The following GSN variants were observed in gnomAD, a reference collection of about 807,000 sequenced individuals.
GSN encodes actin-depolymerizing factor.
Under a neutral mutation model 85.7 loss-of-function variants are expected in GSN, and 56 were observed. The observed-to-expected ratio is 0.65, with a 90% CI of 0.53 to 0.82. The LOEUF is 0.82. Ranked by LOEUF, GSN falls within the 40% of genes least tolerant of loss-of-function variation. The pLI is 0.00. For missense variants in GSN, 857 were observed against 979.8 expected (o/e 0.87, Z 1.67); for synonymous variants, 373 against 399.1 (o/e 0.93, Z 0.78).
rs530369890 is a variant in GSN at position 121,303,456 on chromosome 9, C to T, written c.351+391C>T. Among the ~76,000 whole-genome samples the T allele has an allele frequency of 6.6e-4, 101 of 152,306 alleles. 1 individual carries two copies. The highest frequency in any genetic ancestry group is 2.0e-3 in the African/African-American group (84 of 41,566). Reference sequence around the variant, plus strand: ...TTAAGGCCTTGCCAACAGAGGGCCCCGTGTTAAGTATTTAATAGGGCATTG... The same window carrying T: ...TTAAGGCCTTGCCAACAGAGGGCCCTGTGTTAAGTATTTAATAGGGCATTG... On this transcript the variant is annotated intron_variant, in intron 4 of 17. Coordinates refer to ENST00000432226, the MANE Select transcript of GSN (RefSeq NM_198252.3).
rs527831470 is a variant in GSN at position 121,332,145 on chromosome 9, G to A, written c.2027-289G>A. Among the ~76,000 whole-genome samples, 51 of 152,182 alleles carry A rather than the reference G, an allele frequency of 3.4e-4. No homozygotes were observed. The highest frequency in any genetic ancestry group is 6.5e-4 in the Non-Finnish European group (44 of 68,022). The stretch of plus-strand genomic sequence containing the variant: ...TTGTGAGCTGGGAACCCAAAAGTTG[G>A]TTCCCATATCTTCCAGTAGGGGACT... On this transcript the variant is annotated intron_variant, in intron 17 of 17. Transcript: ENST00000432226. The surrounding 1 kb of genome is among the most constrained non-coding windows in gnomAD (Gnocchi z 4.8).
At chr9:121,238,920 C>A in intron 5 of GSN, 1 of 537,284 alleles carries the variant, frequency 1.9e-6, no homozygotes, top group South Asian at 1.4e-5. Flanking sequence ...TCTTCCTGGT[C>A]ATCCCTTCTC....
intron 6 of GSN, among the ~76,000 whole-genome samples, chr9:121,257,609 G>A (rs2054993101): frequency 3.3e-5 from 5 of 152,282 alleles, no homozygotes; most frequent in African/African-American, 9.6e-5. Context: ...GGTGGCTCCC[G>A]TCTGTAATCC....
chr9:121,232,795 GAT>G (rs1191810833), intron 5 of GSN, among the ~76,000 whole-genome samples: 2 of 152,168 alleles, frequency 1.3e-5, no homozygotes, highest in Non-Finnish European at 2.9e-5. Context: ...AAACTCCATG[GAT>G]CATAGAAGTA....
At position 121,320,205 on chromosome 9, in the gene GSN, C is replaced by T. The variant is rs138142485; in HGVS notation, c.1192-1063C>T. Among the ~76,000 whole-genome samples the T allele has an allele frequency of 3.4e-3, 523 of 152,290 alleles. 2 individuals are homozygous for T. Among genetic ancestry groups the T allele is most frequent in the African/African-American group, 0.012 (485 of 41,544 alleles). On this transcript the variant is annotated intron_variant, in intron 10 of 17. Coordinates refer to ENST00000432226, the MANE Select transcript of GSN (RefSeq NM_198252.3). ...CTGTTTCCCAGGACTTGGACGACTCCGTGTCTCCATAGCTCCACCAGGTGG... is the reference window on the plus strand; with the variant it reads ...CTGTTTCCCAGGACTTGGACGACTCTGTGTCTCCATAGCTCCACCAGGTGG...
chr9:121,325,689 G>A (rs537854643), intron 12 of GSN, among the ~76,000 whole-genome samples: 21 of 152,154 alleles, frequency 1.4e-4, no homozygotes, highest in Non-Finnish European at 8.8e-5. Flanking sequence ...GATTGGCATC[G>A]GGGGTTCGTG....
intron 4 of GSN, among the ~76,000 whole-genome samples, chr9:121,305,827 G>A (rs2060351897): frequency 6.6e-6 from 1 of 152,212 alleles, no homozygotes; most frequent in South Asian, 2.1e-4. Flanking sequence ...CACTTGGCAG[G>A]TCCAGCCCAA....
chr9:121,260,121 A>G (rs1480059109), intron 6 of GSN, among the ~76,000 whole-genome samples: 1 of 152,226 alleles, frequency 6.6e-6, no homozygotes, highest in East Asian at 1.9e-4. Flanking sequence ...TGAGACCCCA[A>G]GGGGGCTCAC....
intron 2 of GSN, 42 bp downstream of exon 2, chr9:121,281,604 C>T (rs552056255): frequency 1.9e-5 from 9 of 471,228 alleles, no homozygotes; most frequent in South Asian, 7.7e-5. Context: ...TCTTAAACCC[C>T]GCCCTGGCTG....
intron 4 of GSN, among the ~76,000 whole-genome samples, chr9:121,227,404 A>AG (rs1474802345): frequency 9.9e-5 from 15 of 151,844 alleles, no homozygotes; most frequent in African/African-American, 1.7e-4. Flanking sequence ...AAAAAAAAAA[A>AG]AGAGAGAGAG....
Position 121,312,458 on chromosome 9 carries a change from G to T in GSN, c.633G>T (p.Glu211Asp). 1 of 1,613,940 alleles carries T rather than the reference G, an allele frequency of 6.2e-7. No individual in the cohort carries two copies. The highest frequency in any genetic ancestry group is 8.5e-7 in the Non-Finnish European group (1 of 1,179,922). ...GCCGGGCCCGAGTGCACGTGTCTGA[G>T]GAGGGCACTGAGCCCGAGGCGATGC... ...RSGRARVHVS[E>D]EGTEPEAMLQ... The change falls in exon 6 of 18, where the codon GAG (glutamate) becomes GAT (aspartate). Residue 211 changes from glutamate (E) to aspartate (D), a missense_variant. Coordinates refer to ENST00000432226, the MANE Select transcript of GSN (RefSeq NM_198252.3).
Position 121,303,023 on chromosome 9 carries a change from G to A in GSN, c.309G>A (p.Ser103=), listed in dbSNP as rs752380492. Residue 103 remains serine, a synonymous_variant, in exon 4 of 18, where the codon TCG becomes TCA. Transcript: ENST00000432226. ...ACCGTGAGGTCCAGGGCTTCGAGTCGGCCACCTTCCTAGGCTACTTCAAGT... is the reference window on the plus strand; with the variant it reads ...ACCGTGAGGTCCAGGGCTTCGAGTCAGCCACCTTCCTAGGCTACTTCAAGT... The part of the protein sequence containing the change: ...VQHREVQGFE[S]ATFLGYFKSG... 1.5e-5 allele frequency: 24 copies of A among 1,613,746 alleles called. No individual in the cohort carries two copies. Among genetic ancestry groups the A allele is most frequent in the Non-Finnish European group, 1.8e-5 (21 of 1,180,024 alleles).
chr9:121,299,376 G>T lies in GSN; in HGVS notation c.-9-2587G>T. 2.1e-6 allele frequency: 2 copies of T among 972,410 alleles called. No individual in the cohort carries two copies. The highest frequency in any genetic ancestry group is 9.5e-5 in the South Asian group (2 of 21,040). The allele number at this position is 972,410 out of a possible 1,614,324, so 60.2% of individuals were successfully genotyped here. A position where few individuals can be genotyped will look rare whatever the true frequency, so the allele number is the denominator to read the frequency against. Reference sequence around the variant, plus strand: ...ATCCCGGCAGCACCATTTACAAGCTGTGTGCAAGTTGCTTCACCACTCTGC... The same window carrying T: ...ATCCCGGCAGCACCATTTACAAGCTTTGTGCAAGTTGCTTCACCACTCTGC... On this transcript the variant is annotated intron_variant, in intron 2 of 17. Transcript: ENST00000432226. The surrounding 1 kb of genome is among the most constrained non-coding windows in gnomAD (Gnocchi z 4.2).
rs117572192 is a variant in GSN at position 121,325,899 on chromosome 9, G to A, written c.1417-613G>A. ...GGGGTCTAAGCCCTAACTCAGCGGT[G>A]GTGGGTCGTGGTGGGAAGCGACTGC... On this transcript the variant is annotated intron_variant, in intron 12 of 17. Coordinates refer to ENST00000432226, the MANE Select transcript of GSN (RefSeq NM_198252.3). 1.6e-4 allele frequency among the ~76,000 whole-genome samples: 25 copies of A among 152,142 alleles called. No individual in the cohort carries two copies. In the East Asian group the frequency reaches 4.5e-3, roughly 27 times the overall value.
rs541432993 is a variant in GSN at position 121,286,023 on chromosome 9, A to G, written c.-10+4461A>G. ...ATTTCCGGAACTGTGTGTGCCTGTG[A>G]TGCCTGCGGAGTTGGCTTGGCACAG... On this transcript the variant is annotated intron_variant, in intron 2 of 17. Transcript: ENST00000432226. The G allele has an allele frequency of 1.7e-4, 180 of 1,083,146 alleles. 1 individual carries two copies. Among genetic ancestry groups the G allele is most frequent in the African/African-American group, 2.2e-4 (14 of 64,404 alleles). The allele number at this position is 1,083,146 out of a possible 1,614,324, so 67.1% of individuals were successfully genotyped here. A position where few individuals can be genotyped will look rare whatever the true frequency, so the allele number is the denominator to read the frequency against.
intron 16 of GSN, among the ~76,000 whole-genome samples, chr9:121,330,885 G>A (rs2063810437): frequency 6.6e-6 from 1 of 152,146 alleles, no homozygotes; most frequent in African/African-American, 2.4e-5. Context: ...TTTGTTGAAC[G>A]AGTGAATGCT....
chr9:121,280,572 A>C (rs138049530), intron 1 of GSN: 1 of 152,250 alleles, frequency 6.6e-6, no homozygotes, highest in Non-Finnish European at 1.5e-5. Context: ...TGGGTCCCCA[A>C]ATCGCACATG....
At chr9:121,201,643 G>A in the GSN span, 1 of 152,606 alleles carries the variant, frequency 6.6e-6, no homozygotes, top group African/African-American at 2.4e-5. Context: ...GGTTACCTGG[G>A]GGGTTGCTGG....
intron 4 of GSN, among the ~76,000 whole-genome samples, chr9:121,216,458 G>A (rs1383569913): frequency 1.3e-5 from 2 of 152,178 alleles, no homozygotes; most frequent in Non-Finnish European, 2.9e-5. Flanking sequence ...GCTTTAATCT[G>A]ACACAGGACA....
Sources: allele counts gnomAD v4.1 joint callset (sites outside exome capture counted in the v4.1 genomes callset), GRCh38; gene constraint gnomAD v4.1.1; non-coding constraint Gnocchi (gnomAD v3.1); transcripts MANE v1.5; gene names NCBI Gene and HGNC (gene_info 2026-07-23, HGNC 2026-07-21).